SENP7: variants seen among roughly 807,000 people sequenced by gnomAD.
SENP7 encodes the protein sentrin-specific protease 7.
Under a neutral mutation model 141.2 loss-of-function variants are expected in SENP7, and 64 were observed. The observed-to-expected ratio is 0.45, with a 90% CI of 0.37 to 0.56. The LOEUF (loss-of-function observed/expected upper bound fraction) is 0.56. Ranked by LOEUF, SENP7 falls within the 20% of genes least tolerant of loss-of-function variation. SENP7 has a pLI of 0.00. For missense variants in SENP7, 1,025 were observed against 1,212.2 expected (o/e 0.85, Z 2.29); for synonymous variants, 382 against 426.4 (o/e 0.90, Z 1.28).
At chr3:101,370,258 ATT>A (rs2060141741) in intron 7 of SENP7, among the ~76,000 whole-genome samples, 1 of 152,196 alleles carries the variant, frequency 6.6e-6, no homozygotes, top group African/African-American at 2.4e-5. Flanking sequence ...AAAGTATTTT[ATT>A]CAAGTCAATG....
At chr3:101,484,197 C>T (rs1299051340) in intron 3 of SENP7, among the ~76,000 whole-genome samples, 1 of 152,032 alleles carries the variant, frequency 6.6e-6, no homozygotes, top group Non-Finnish European at 1.5e-5. Context: ...ATAAGCTGGG[C>T]TTCATTAAAA....
intron 1 of SENP7, among the ~76,000 whole-genome samples, chr3:101,510,364 G>A (rs563175778): frequency 3.9e-5 from 6 of 152,214 alleles, no homozygotes; most frequent in East Asian, 3.9e-4. Context: ...AGTTTTGAGC[G>A]GTACACTGTG....
chr3:101,369,995 A>G (rs1576121485), intron 7 of SENP7, among the ~76,000 whole-genome samples: 1 of 152,294 alleles, frequency 6.6e-6, no homozygotes, highest in Non-Finnish European at 1.5e-5. Flanking sequence ...AAAATGGTAC[A>G]CCTAAGATTT....
chr3:101,503,839 C>T (rs957239899), intron 1 of SENP7, among the ~76,000 whole-genome samples: 2 of 151,894 alleles, frequency 1.3e-5, no homozygotes, highest in Non-Finnish European at 2.9e-5. Flanking sequence ...CCCAGCTACT[C>T]AGTAGGCTGA....
At chr3:101,434,060 A>G (rs1322527726) in intron 4 of SENP7, among the ~76,000 whole-genome samples, 3 of 152,180 alleles carry the variant, frequency 2.0e-5, no homozygotes, top group East Asian at 3.8e-4. Flanking sequence ...AAACTTTCCA[A>G]AAAACTGAAA....
At chr3:101,332,246 T>C (rs1576804536) in intron 18 of SENP7, 137 bp from the exon 19 acceptor site, 3 of 813,090 alleles carry the variant, frequency 3.7e-6, no homozygotes, top group South Asian at 4.1e-5. Context: ...CTCATTATAA[T>C]ATAGAGCATA....
Position 101,351,664 on chromosome 3 carries a change from T to C in SENP7, c.1624-13A>G. The C allele has an allele frequency of 7.4e-7, 1 of 1,346,872 alleles. No homozygotes were observed. The allele number at this position is 1,346,872 out of a possible 1,614,324, so 83.4% of individuals were successfully genotyped here. On this transcript the variant is annotated splice_polypyrimidine_tract_variant and intron_variant, in intron 11 of 23. Transcript: ENST00000394095. Reference sequence around the variant, plus strand: ...ATTTTTTTGTGATCTGAAGAAAAAATTAAAAAGCAAACAATGAGTTACCAC... The same window carrying C: ...ATTTTTTTGTGATCTGAAGAAAAAACTAAAAAGCAAACAATGAGTTACCAC...
chr3:101,469,937 C>G (rs914569283), intron 3 of SENP7, among the ~76,000 whole-genome samples: 1 of 151,516 alleles, frequency 6.6e-6, no homozygotes, highest in Non-Finnish European at 1.5e-5. Context: ...CAAAACCACA[C>G]AACTACATGG....
chr3:101,501,846 G>T (rs574227780), intron 1 of SENP7, among the ~76,000 whole-genome samples: 1 of 152,216 alleles, frequency 6.6e-6, no homozygotes, highest in East Asian at 1.9e-4. Flanking sequence ...TCAACATATG[G>T]TCAGCTGCTT....
At chr3:101,412,807 T>C (rs76199180) in intron 5 of SENP7, among the ~76,000 whole-genome samples, 9,122 of 152,150 alleles carry the variant, frequency 0.06, 313 homozygotes, top group Middle Eastern at 0.13. Flanking sequence ...CCCAGGAAAA[T>C]AGATATGAAC....
chr3:101,327,622 T>C (rs1444235559), intron 23 of SENP7, 44 bp downstream of exon 23: 2 of 1,486,404 alleles, frequency 1.3e-6, no homozygotes, highest in East Asian at 2.4e-5. Context: ...TGTGACCGTA[T>C]GGTGGTAACT....
chr3:101,510,570 T>C (rs1045454773), intron 1 of SENP7, among the ~76,000 whole-genome samples: 5 of 152,152 alleles, frequency 3.3e-5, no homozygotes, highest in Non-Finnish European at 7.3e-5. Flanking sequence ...TGTCACTTCA[T>C]GGCCGGGCAC....
intron 6 of SENP7, among the ~76,000 whole-genome samples, chr3:101,382,251 A>C (rs1015207474): frequency 6.6e-6 from 1 of 152,112 alleles, no homozygotes; most frequent in African/African-American, 2.4e-5. Flanking sequence ...ATCATCGCTC[A>C]TTGTAACCTC....
chr3:101,368,064 CT>C lies in SENP7; in HGVS notation c.797-54del, dbSNP rs2060084634. On this transcript the variant is annotated intron_variant, in intron 7 of 23. Coordinates refer to ENST00000394095, the MANE Select transcript of SENP7 (RefSeq NM_020654.5). ...GGACAAAAAAGTATAGAGAGAATCT[CT>C]TTTAGAAAAGCTCGAAGTAACATCA... 2.1e-6 allele frequency: 3 copies of C among 1,433,448 alleles called. No individual in the cohort carries two copies. The East Asian group carries it at 6.9e-5, about 33-fold the overall frequency. The allele number at this position is 1,433,448 out of a possible 1,614,324, so 88.8% of individuals were successfully genotyped here. A position where few individuals can be genotyped will look rare whatever the true frequency, so the allele number is the denominator to read the frequency against.
At chr3:101,452,390 A>C (rs1471804778) in intron 4 of SENP7, among the ~76,000 whole-genome samples, 2 of 152,234 alleles carry the variant, frequency 1.3e-5, no homozygotes, top group Non-Finnish European at 2.9e-5. Context: ...GAACCAAAAA[A>C]GAGCCCACAT....
chr3:101,345,875 A>G (rs1234960940), intron 13 of SENP7, among the ~76,000 whole-genome samples: 2 of 152,244 alleles, frequency 1.3e-5, no homozygotes, highest in Non-Finnish European at 2.9e-5. Flanking sequence ...TTTCATGACC[A>G]AGAACCCAAA....
intron 6 of SENP7, among the ~76,000 whole-genome samples, chr3:101,393,182 C>T (rs1293856813): frequency 2.6e-5 from 4 of 152,038 alleles, no homozygotes; most frequent in Admixed American, 2.0e-4. Context: ...TCACCATATA[C>T]AAAAATCTAC....
In SENP7 at chr3:101,415,425, A is replaced by G. The variant is rs547935264; in HGVS notation, c.482+2168T>C. Among the ~76,000 whole-genome samples, 6 of 151,426 alleles carry G rather than the reference A, an allele frequency of 4.0e-5. No homozygotes were observed. In the Admixed American group the frequency reaches 4.0e-4, roughly 10 times the overall value. ...AATGACAGGACAATCTTGCAGTAAC[A>G]CTTTCCCCTTGGAAGAGAAAGGGGT... is the stretch of plus-strand genomic sequence containing the variant. On this transcript the variant is annotated intron_variant, in intron 5 of 23. Coordinates refer to ENST00000394095, the MANE Select transcript of SENP7 (RefSeq NM_020654.5).
At chr3:101,454,401 A>C (rs2063273190) in intron 4 of SENP7, among the ~76,000 whole-genome samples, 1 of 152,066 alleles carries the variant, frequency 6.6e-6, no homozygotes, top group Admixed American at 6.6e-5. Flanking sequence ...AGTCCCAACT[A>C]CTTGGTGGGC....
Sources: gnomAD v4.1 joint callset for allele counts (sites outside exome capture counted in the v4.1 genomes callset) on GRCh38, gnomAD v4.1.1 for gene constraint, MANE v1.5 for transcripts, NCBI Gene and HGNC (gene_info 2026-07-23, HGNC 2026-07-21) for gene names.